The following EYA1 variants were observed in gnomAD, a reference collection of about 807,000 sequenced individuals.
The protein encoded by EYA1 is protein phosphatase EYA1.
A neutral mutation model predicts 82.0 loss-of-function variants in EYA1; 16 were observed. That is an observed-to-expected ratio of 0.20 (90% CI 0.13 to 0.30). The LOEUF (loss-of-function observed/expected upper bound fraction) is 0.30, where lower values mean the gene tolerates loss of function less well. Ranked by LOEUF, EYA1 falls within the 10% of genes least tolerant of loss-of-function variation. The pLI, the probability that EYA1 is intolerant of heterozygous loss-of-function variation, is 1.00. For missense variants in EYA1, 633 were observed against 730.7 expected, an observed-to-expected ratio of 0.87 and a Z score of 1.54; for synonymous variants, 261 against 264.4, an observed-to-expected ratio of 0.99 and a Z score of 0.12.
chr8:71,465,725 A>G (rs1489949909), intron 2 of EYA1, among the ~76,000 whole-genome samples: 1 of 152,208 alleles, frequency 6.6e-6, no homozygotes, highest in Admixed American at 6.5e-5. Context: ...CACGATTACT[A>G]TGGTTTGAAT....
intron 6 of EYA1, among the ~76,000 whole-genome samples, chr8:71,321,229 CT>C (rs1249302370): frequency 6.6e-6 from 1 of 152,186 alleles, no homozygotes; most frequent in Non-Finnish European, 1.5e-5. Context: ...TCAAAGTACA[CT>C]CCAGGCAGTG....
At chr8:71,383,786 A>C (rs1225907519) in intron 2 of EYA1, among the ~76,000 whole-genome samples, 1 of 152,148 alleles carries the variant, frequency 6.6e-6, no homozygotes, top group African/African-American at 2.4e-5. Flanking sequence ...GAAGATGCAC[A>C]ATAGGATTTA....
chr8:71,317,125 C>A (rs1034777651), intron 7 of EYA1, among the ~76,000 whole-genome samples: 12 of 152,186 alleles, frequency 7.9e-5, no homozygotes, highest in African/African-American at 2.9e-4. Context: ...TGTCACTCCC[C>A]AAGCTTCACT....
intron 7 of EYA1, among the ~76,000 whole-genome samples, chr8:71,307,597 A>G (rs780229659): frequency 5.9e-5 from 9 of 152,224 alleles, no homozygotes; most frequent in Non-Finnish European, 1.3e-4. Flanking sequence ...TTCTGAAAGG[A>G]GTTAAAATAT....
At chr8:71,264,461 CAAAT>C (rs1330372592) in intron 11 of EYA1, among the ~76,000 whole-genome samples, 1 of 152,126 alleles carries the variant, frequency 6.6e-6, no homozygotes, top group East Asian at 1.9e-4. Flanking sequence ...AGTTATAAAA[CAAAT>C]ACTCTAGAGA....
At chr8:71,460,554 C>A (rs1307165859) in intron 2 of EYA1, among the ~76,000 whole-genome samples, 1 of 152,122 alleles carries the variant, frequency 6.6e-6, no homozygotes, top group Non-Finnish European at 1.5e-5. Flanking sequence ...TAATTCAACC[C>A]AAAGCAAGAA....
At position 71,293,234 on chromosome 8, in the gene EYA1, G is replaced by A. The variant is rs1819198971; in HGVS notation, c.826+5813C>T. Among the ~76,000 whole-genome samples, 4 of 152,172 alleles carry A rather than the reference G, an allele frequency of 2.6e-5. No homozygotes were observed. In the South Asian group the frequency reaches 8.3e-4, roughly 32 times the overall value. Reference sequence around the variant, plus strand: ...GAAAGACAGTCTACCCAAACTCACAGAAGGAAAAATAGATAATATGAATAG... The same window carrying A: ...GAAAGACAGTCTACCCAAACTCACAAAAGGAAAAATAGATAATATGAATAG... On this transcript the variant is annotated intron_variant, in intron 9 of 17. Transcript: ENST00000340726.
At chr8:71,223,543 A>T (rs945985872) in intron 12 of EYA1, among the ~76,000 whole-genome samples, 1 of 152,236 alleles carries the variant, frequency 6.6e-6, no homozygotes, top group East Asian at 1.9e-4. Flanking sequence ...CTGCCAACAC[A>T]TGAAGTCCTG....
intron 1 of EYA1, among the ~76,000 whole-genome samples, chr8:71,358,436 T>G (rs1043615913): frequency 2.6e-5 from 4 of 152,184 alleles, no homozygotes; most frequent in Non-Finnish European, 5.9e-5. Flanking sequence ...CTCTTTTGTG[T>G]CTCAGGGATT....
chr8:71,433,732 G>A (rs1429510771), intron 2 of EYA1, among the ~76,000 whole-genome samples: 2 of 152,208 alleles, frequency 1.3e-5, no homozygotes. Flanking sequence ...CAGGGTTGGA[G>A]AGGAGCCAAG....
At chr8:71,386,525 G>C (rs1828975692) in intron 2 of EYA1, among the ~76,000 whole-genome samples, 1 of 152,118 alleles carries the variant, frequency 6.6e-6, no homozygotes, top group African/African-American at 2.4e-5. Context: ...ACATTGTCTA[G>C]AGTGAACAGC....
In EYA1 at chr8:71,453,530, A is replaced by G. The variant is rs192817619; in HGVS notation, c.33+82214T>C. Among the ~76,000 whole-genome samples the G allele has an allele frequency of 7.5e-4, 114 of 152,320 alleles. 2 individuals are homozygous for G. In the East Asian group the frequency reaches 0.016, roughly 21 times the overall value. Reference sequence around the variant, plus strand: ...AAGGGCAGGCAGAAAGAAAGGTAGGATTACCCACGAAGGGAAGCCCATCAG... The same window carrying G: ...AAGGGCAGGCAGAAAGAAAGGTAGGGTTACCCACGAAGGGAAGCCCATCAG... On this transcript the variant is annotated intron_variant, in intron 2 of 18. Coordinates refer to the EYA1 transcript ENST00000643681.
At chr8:71,309,421 A>C (rs570824286) in intron 7 of EYA1, among the ~76,000 whole-genome samples, 7 of 152,284 alleles carry the variant, frequency 4.6e-5, no homozygotes, top group Non-Finnish European at 7.4e-5. Flanking sequence ...ATATGAGAAG[A>C]GTGGCAAAGC....
At chr8:71,474,050 T>TG (rs1809451779) in intron 2 of EYA1, among the ~76,000 whole-genome samples, 1 of 151,808 alleles carries the variant, frequency 6.6e-6, no homozygotes, top group Non-Finnish European at 1.5e-5. Context: ...GGCCTGTTAT[T>TG]GGGGGGTGCA....
chr8:71,249,785 T>C (rs190335005), intron 11 of EYA1, among the ~76,000 whole-genome samples: 303 of 152,304 alleles, frequency 2.0e-3, no homozygotes, highest in Non-Finnish European at 3.5e-3. Context: ...TATCAATTAC[T>C]TATTGGTCAT....
At chr8:71,330,884 C>T (rs917979308) in intron 4 of EYA1, among the ~76,000 whole-genome samples, 5 of 150,816 alleles carry the variant, frequency 3.3e-5, no homozygotes, top group East Asian at 1.9e-4. Flanking sequence ...TGTATGCATA[C>T]GCATATGTAC....
At chr8:71,486,294 A>T (rs1416281979) in intron 2 of EYA1, among the ~76,000 whole-genome samples, 2 of 152,068 alleles carry the variant, frequency 1.3e-5, no homozygotes, top group Non-Finnish European at 2.9e-5. Context: ...GGCGCCTCTG[A>T]TCACCTCAAC....
At chr8:71,235,310 A>G (rs944077316) in intron 12 of EYA1, among the ~76,000 whole-genome samples, 2 of 151,672 alleles carry the variant, frequency 1.3e-5, no homozygotes, top group African/African-American at 4.9e-5. Flanking sequence ...GGTCTACAAG[A>G]CCCTTCATCA....
chr8:71,405,712 G>A (rs2129132558), intron 2 of EYA1, among the ~76,000 whole-genome samples: 1 of 152,194 alleles, frequency 6.6e-6, no homozygotes, highest in East Asian at 1.9e-4. Flanking sequence ...AAGCTTCTAT[G>A]ATCTGGGTGC....
Sources: allele counts gnomAD v4.1 joint callset (sites outside exome capture counted in the v4.1 genomes callset), GRCh38; gene constraint gnomAD v4.1.1; transcripts MANE v1.5; gene names NCBI Gene and HGNC (gene_info 2026-07-23, HGNC 2026-07-21).